The following ZNF521 variants were observed in gnomAD, a reference collection of about 807,000 sequenced individuals.
ZNF521 encodes LYST-interacting protein 3.
Under a neutral mutation model 105.5 loss-of-function variants are expected in ZNF521, and 14 were observed. The ratio of observed to expected loss-of-function variants is 0.13; its 90% confidence interval spans 0.09 to 0.21. The LOEUF (loss-of-function observed/expected upper bound fraction) is 0.21. ZNF521 is among the 10% of genes least tolerant of loss of function. The pLI is 1.00. For synonymous variants in ZNF521, 635 were observed against 606.0 expected (o/e 1.05, Z -0.70); for missense variants, 1,233 against 1,629.7 (o/e 0.76, Z 4.19).
chr18:25,066,368 TCTC>T (rs898986354), intron 7 of ZNF521, among the ~76,000 whole-genome samples: 1 of 152,148 alleles, frequency 6.6e-6, no homozygotes, highest in African/African-American at 2.4e-5. Context: ...ATGTGTCTGT[TCTC>T]CTCCCCCACG....
chr18:25,345,961 T>G (rs770571904), intron 2 of ZNF521, among the ~76,000 whole-genome samples: 48 of 152,186 alleles, frequency 3.2e-4, no homozygotes, highest in Non-Finnish European at 5.1e-4. Context: ...TATTTTTGCC[T>G]GTACAATCAT....
intron 5 of ZNF521, among the ~76,000 whole-genome samples, chr18:25,175,205 G>A (rs2035516353): frequency 6.6e-6 from 1 of 152,308 alleles, no homozygotes; most frequent in African/African-American, 2.4e-5. Context: ...GTGTGTCACA[G>A]GACATGATGA....
intron 3 of ZNF521, among the ~76,000 whole-genome samples, chr18:25,280,158 C>T (rs928249448): frequency 1.3e-5 from 2 of 152,312 alleles, no homozygotes; most frequent in South Asian, 2.1e-4. Flanking sequence ...ATCGCTGCTC[C>T]GCAGCCCTGA....
intron 3 of ZNF521, among the ~76,000 whole-genome samples, chr18:25,309,035 A>T (rs553020970): frequency 4.7e-4 from 71 of 152,366 alleles, no homozygotes; most frequent in African/African-American, 1.7e-3. Context: ...GTGAGTGACC[A>T]TTAGCAAAAC....
chr18:25,200,082 A>G (rs1274108951), intron 4 of ZNF521, among the ~76,000 whole-genome samples: 1 of 152,162 alleles, frequency 6.6e-6, no homozygotes, highest in East Asian at 1.9e-4. Flanking sequence ...GGTATAACCA[A>G]GCCAGGATTC....
intron 4 of ZNF521, among the ~76,000 whole-genome samples, chr18:25,212,579 A>G (rs912364575): frequency 7.2e-6 from 1 of 138,810 alleles, no homozygotes; most frequent in African/African-American, 2.7e-5. Context: ...ATAGAAACAT[A>G]TATTTTAAAA....
intron 3 of ZNF521, among the ~76,000 whole-genome samples, chr18:25,306,853 A>AG (rs1461761906): frequency 9.8e-5 from 1 of 10,204 alleles, no homozygotes; most frequent in African/African-American, 3.8e-4. Flanking sequence ...CCACAATTCA[A>AG]GAAAAAAAAA....
intron 4 of ZNF521, among the ~76,000 whole-genome samples, chr18:25,221,063 G>A (rs1013436574): frequency 3.9e-5 from 6 of 152,138 alleles, no homozygotes; most frequent in African/African-American, 1.4e-4. Context: ...CCTTTGAGGA[G>A]CAAAGAAAAA....
At chr18:25,200,282 G>A (rs1360377091) in intron 4 of ZNF521, among the ~76,000 whole-genome samples, 14 of 152,122 alleles carry the variant, frequency 9.2e-5, no homozygotes, top group African/African-American at 1.9e-4. Flanking sequence ...CGGTAGCCAC[G>A]TTAGCCTTAG....
At chr18:25,117,052 T>C (rs1464006403) in intron 5 of ZNF521, among the ~76,000 whole-genome samples, 12 of 33,872 alleles carry the variant, frequency 3.5e-4, no homozygotes, top group Admixed American at 3.3e-3. Context: ...CACACATATA[T>C]ATACACACAC....
chr18:25,204,372 T>A (rs1040268127), intron 4 of ZNF521, among the ~76,000 whole-genome samples: 7 of 152,028 alleles, frequency 4.6e-5, no homozygotes, highest in African/African-American at 1.4e-4. Flanking sequence ...TTCAAAGGTA[T>A]CCCCAATAGT....
At chr18:25,200,588 A>G (rs1279492752) in intron 4 of ZNF521, among the ~76,000 whole-genome samples, 1 of 152,086 alleles carries the variant, frequency 6.6e-6, no homozygotes, top group East Asian at 1.9e-4. Flanking sequence ...TCCTTATTAG[A>G]CACAGATTGG....
At position 25,225,912 on chromosome 18, in the gene ZNF521, C is replaced by T. The variant is rs1906092792; in HGVS notation, c.2006G>A (p.Cys669Tyr). The T allele has an allele frequency of 1.2e-6, 2 of 1,614,118 alleles. No homozygotes were observed. Among genetic ancestry groups the T allele is most frequent in the Non-Finnish European group, 1.7e-6 (2 of 1,180,024 alleles). ...TVLPKLTCPQ[C>Y]NKEFPNQESL... Reference sequence around the variant, plus strand: ...TTCTTGGTTGGGGAATTCCTTGTTGCACTGAGGACAGGTCAATTTTGGAAG... The same window carrying T: ...TTCTTGGTTGGGGAATTCCTTGTTGTACTGAGGACAGGTCAATTTTGGAAG... Residue 669 changes from cysteine (C) to tyrosine (Y), a missense_variant, in exon 4 of 8, where the codon TGC (cysteine) becomes TAC (tyrosine). Transcript: ENST00000361524. This position sits in a 1 kb window ranked among gnomAD's most constrained non-coding sequence, Gnocchi z 5.6.
chr18:25,213,053 TTTATC>T (rs1445186393), intron 4 of ZNF521, among the ~76,000 whole-genome samples: 1 of 151,476 alleles, frequency 6.6e-6, no homozygotes, highest in Non-Finnish European at 1.5e-5. Flanking sequence ...TCATTTTGAT[TTTATC>T]TTAGCTTACA....
intron 5 of ZNF521, among the ~76,000 whole-genome samples, chr18:25,120,087 AG>A (rs2034403429): frequency 1.3e-5 from 2 of 152,244 alleles, no homozygotes; most frequent in African/African-American, 4.8e-5. Flanking sequence ...AAATCTGAAC[AG>A]CCTTTTTTGT....
intron 3 of ZNF521, among the ~76,000 whole-genome samples, chr18:25,292,061 A>G (rs1375726827): frequency 2.6e-5 from 4 of 152,228 alleles, no homozygotes; most frequent in Non-Finnish European, 5.9e-5. Flanking sequence ...AATAAAAAGA[A>G]GAAAAAGTGC....
chr18:25,189,462 CGTAA>C (rs2035781905), intron 5 of ZNF521, among the ~76,000 whole-genome samples: 1 of 152,162 alleles, frequency 6.6e-6, no homozygotes, highest in African/African-American at 2.4e-5. Context: ...CTTCATTTTA[CGTAA>C]GTTTTATCTG....
intron 3 of ZNF521, among the ~76,000 whole-genome samples, chr18:25,299,391 A>G (rs1461140640): frequency 6.6e-6 from 1 of 152,226 alleles, no homozygotes; most frequent in Non-Finnish European, 1.5e-5. Flanking sequence ...GACTAAGAAG[A>G]TAAGTTAGGA....
intron 4 of ZNF521, among the ~76,000 whole-genome samples, chr18:25,223,519 G>A (rs564319407): frequency 3.9e-5 from 6 of 152,222 alleles, no homozygotes; most frequent in Non-Finnish European, 8.8e-5. Context: ...AGGTAGGGAA[G>A]TGGAAAGAGC....
Sources: allele counts gnomAD v4.1 joint callset (sites outside exome capture counted in the v4.1 genomes callset), GRCh38; gene constraint gnomAD v4.1.1; non-coding constraint Gnocchi (gnomAD v3.1); transcripts MANE v1.5; gene names NCBI Gene and HGNC (gene_info 2026-07-23, HGNC 2026-07-21).